The following MTMR9 variants were observed in gnomAD, a reference collection of about 807,000 sequenced individuals.
MTMR9 encodes myotubularin-related protein 9.
A neutral mutation model predicts 69.5 loss-of-function variants in MTMR9; 39 were observed. The ratio of observed to expected loss-of-function variants is 0.56; its 90% CI spans 0.43 to 0.73. The LOEUF (loss-of-function observed/expected upper bound fraction) is 0.73. Ranked by LOEUF, MTMR9 falls within the 30% of genes least tolerant of loss-of-function variation. The probability of loss-of-function intolerance (pLI) is 0.00; values close to 1 mark genes in which losing one functional copy is unlikely to be tolerated. For missense variants in MTMR9, 900 were observed against 671.2 expected (o/e 1.34, Z -3.77); for synonymous variants, 354 against 240.8 (o/e 1.47, Z -4.35).
rs147461461 is a variant in MTMR9, at chr8:11,320,743, A to G, written c.1486+905A>G. The G allele has an allele frequency of 8.9e-4, 136 of 152,342 alleles. 1 individual carries two copies. Among genetic ancestry groups the G allele is most frequent in the African/African-American group, 3.1e-3 (129 of 41,580 alleles). The allele number at this position is 152,342 out of a possible 1,614,324, so 9.4% of individuals were successfully genotyped here. On this transcript the variant is annotated intron_variant, in intron 9 of 9. Coordinates refer to ENST00000221086, the MANE Select transcript of MTMR9 (RefSeq NM_015458.4). Reference sequence around the variant, plus strand: ...ACGAGACTTTCTCAAAAAGATAAAAATAAAGATAAAAATAACCAAAATCTA... The same window carrying G: ...ACGAGACTTTCTCAAAAAGATAAAAGTAAAGATAAAAATAACCAAAATCTA...
At chr8:11,310,877 C>T (rs1191923317) in intron 6 of MTMR9, among the ~76,000 whole-genome samples, 4 of 152,122 alleles carry the variant, frequency 2.6e-5, no homozygotes, top group African/African-American at 9.7e-5. Flanking sequence ...GTGCAGAATG[C>T]AGAACAGTTC....
downstream of MTMR9, chr8:11,330,854 A>G (rs1021391495): frequency 5.6e-5 from 34 of 607,060 alleles, no homozygotes; most frequent in Non-Finnish European, 9.0e-5. Context: ...CCTTCCCTCC[A>G]CTATTGTCCT....
downstream of MTMR9, chr8:11,331,742 T>C (rs1801240473): frequency 1.2e-6 from 2 of 1,611,930 alleles, no homozygotes; most frequent in East Asian, 2.2e-5. Flanking sequence ...TCTATCGTTC[T>C]CTGCACTTTC....
chr8:11,308,318 G>T (rs1046658729), intron 5 of MTMR9, among the ~76,000 whole-genome samples: 1 of 152,054 alleles, frequency 6.6e-6, no homozygotes, highest in African/African-American at 2.4e-5. Context: ...TATGTTCTCG[G>T]CAACTTTTTC....
intron 1 of MTMR9, among the ~76,000 whole-genome samples, chr8:11,292,043 C>G (rs1019311793): frequency 2.0e-5 from 3 of 152,012 alleles, no homozygotes; most frequent in Non-Finnish European, 2.9e-5. Context: ...TTCGTAATCC[C>G]TTCCTTCTTT....
chr8:11,319,966 A>G, intron 9 of MTMR9, 128 bp downstream of exon 9: 1 of 830,046 alleles, frequency 1.2e-6, no homozygotes, highest in Non-Finnish European at 1.8e-6. Context: ...GTGAATTGTC[A>G]TTCTCAGTGT....
intron 1 of MTMR9, 26 bp from the exon 2 acceptor site, chr8:11,295,167 CT>C: frequency 1.6e-6 from 2 of 1,272,572 alleles, no homozygotes; most frequent in Non-Finnish European, 2.3e-6. Flanking sequence ...ATATGTGTTC[CT>C]AAACATGATT....
chr8:11,318,492 G>A (rs1233556932), intron 8 of MTMR9: 2 of 152,152 alleles, frequency 1.3e-5, no homozygotes, highest in Admixed American at 6.5e-5. Flanking sequence ...ATAATCATGT[G>A]GTTTCAGAGA....
At chr8:11,285,985 A>G (rs922485048) in intron 1 of MTMR9, among the ~76,000 whole-genome samples, 10 of 118,206 alleles carry the variant, frequency 8.5e-5, no homozygotes, top group Non-Finnish European at 1.3e-4. Flanking sequence ...ACGAAATCTC[A>G]CTGTATTGCC....
At chr8:11,312,616 A>G (rs370686464) in intron 6 of MTMR9, among the ~76,000 whole-genome samples, 1 of 152,214 alleles carries the variant, frequency 6.6e-6, no homozygotes, top group East Asian at 1.9e-4. Context: ...GAGATGTGGA[A>G]TCAACTTCTT....
intron 3 of MTMR9, among the ~76,000 whole-genome samples, chr8:11,303,775 T>A: frequency 6.6e-6 from 1 of 152,038 alleles, no homozygotes; most frequent in South Asian, 2.1e-4. Flanking sequence ...CTCAAGCAAT[T>A]TGCCTGCCTT....
intron 5 of MTMR9, among the ~76,000 whole-genome samples, chr8:11,307,285 T>G (rs143368137): frequency 1.3e-5 from 2 of 152,194 alleles, no homozygotes; most frequent in African/African-American, 4.8e-5. Flanking sequence ...TTGGTCAGGC[T>G]GGTCTCGAAC....
downstream of MTMR9, among the ~76,000 whole-genome samples, chr8:11,332,891 C>T (rs572956857): frequency 9.2e-5 from 14 of 152,296 alleles, no homozygotes; most frequent in South Asian, 4.1e-4. Flanking sequence ...TTAGCCACCA[C>T]GCCCAGCCTT....
intron 8 of MTMR9, chr8:11,317,166 A>G: frequency 4.4e-6 from 1 of 224,736 alleles, no homozygotes; most frequent in South Asian, 1.7e-4. Flanking sequence ...GGATCATAGT[A>G]TCTTACATGT....
chr8:11,324,001 A>G lies in MTMR9; in HGVS notation c.*1213A>G, dbSNP rs917359441. On this transcript the variant is annotated 3_prime_UTR_variant, in exon 10 of 10. Coordinates refer to ENST00000221086, the MANE Select transcript of MTMR9 (RefSeq NM_015458.4). Reference sequence around the variant, plus strand: ...CTGCAACTCCAAATGTTTGTGGTTCAGTATTTCCCACCTACATTTCTGTTT... The same window carrying G: ...CTGCAACTCCAAATGTTTGTGGTTCGGTATTTCCCACCTACATTTCTGTTT... The G allele has an allele frequency of 6.6e-6, 1 of 152,238 alleles. No homozygotes were observed. The highest frequency in any genetic ancestry group is 6.5e-5 in the Admixed American group (1 of 15,280). The allele number at this position is 152,238 out of a possible 1,614,324, so 9.4% of individuals were successfully genotyped here. A position where few individuals can be genotyped will look rare whatever the true frequency, so the allele number is the denominator to read the frequency against.
At chr8:11,320,053 G>T (rs1800610061) in intron 9 of MTMR9, 1 of 485,514 alleles carries the variant, frequency 2.1e-6, no homozygotes, top group South Asian at 3.6e-5. Flanking sequence ...GAAATTAACA[G>T]TGTTTCTTTA....
chr8:11,304,692 T>G (rs1799875693), intron 3 of MTMR9, 149 bp from the exon 4 acceptor site: 1 of 732,144 alleles, frequency 1.4e-6, no homozygotes, highest in Non-Finnish European at 2.2e-6. Context: ...TGCAGCTACT[T>G]ACATATAAGC....
At chr8:11,307,579 G>A (rs997265981) in intron 5 of MTMR9, among the ~76,000 whole-genome samples, 5 of 152,152 alleles carry the variant, frequency 3.3e-5, no homozygotes, top group African/African-American at 7.2e-5. Flanking sequence ...GGGATTACTG[G>A]ATCTTATTGC....
At chr8:11,312,325 C>G (rs1478352471) in intron 6 of MTMR9, among the ~76,000 whole-genome samples, 1 of 152,074 alleles carries the variant, frequency 6.6e-6, no homozygotes, top group Non-Finnish European at 1.5e-5. Context: ...GCTGAGATTA[C>G]AGGTCTGACC....
Sources: allele counts gnomAD v4.1 joint callset (sites outside exome capture counted in the v4.1 genomes callset), GRCh38; gene constraint gnomAD v4.1.1; transcripts MANE v1.5; gene names NCBI Gene and HGNC (gene_info 2026-07-23, HGNC 2026-07-21).